STK39: variants seen among roughly 807,000 people sequenced by gnomAD.
STK39 encodes serine/threonine kinase 39, also known as STE20/SPS1-related proline-alanine-rich protein kinase.
A neutral mutation model predicts 77.8 loss-of-function variants in STK39; 20 were observed. The observed-to-expected ratio is 0.26, with a 90% CI of 0.18 to 0.37. STK39 has a LOEUF of 0.37. STK39 is among the 10% of genes least tolerant of loss of function. The probability of loss-of-function intolerance (pLI) is 1.00; values close to 1 mark genes in which losing one functional copy is unlikely to be tolerated. For synonymous variants in STK39, 246 were observed against 234.1 expected (o/e 1.05, Z -0.47); for missense variants, 479 against 656.5 (o/e 0.73, Z 2.95).
intron 12 of STK39, among the ~76,000 whole-genome samples, chr2:168,069,267 T>G (rs556741922): frequency 1.3e-5 from 2 of 152,278 alleles, no homozygotes; most frequent in South Asian, 4.1e-4. Flanking sequence ...CATGTGACAA[T>G]AGCAATAAGT....
intron 16 of STK39, among the ~76,000 whole-genome samples, chr2:168,008,628 A>C (rs75066443): frequency 0.019 from 2,874 of 152,280 alleles, 95 homozygotes; most frequent in African/African-American, 0.066. Flanking sequence ...AAGGTATTTA[A>C]TACCACGAAA....
At chr2:168,231,161 T>C (rs1690444992) in intron 1 of STK39, among the ~76,000 whole-genome samples, 1 of 152,336 alleles carries the variant, frequency 6.6e-6, no homozygotes, top group Admixed American at 6.5e-5. Flanking sequence ...AACAGCACTG[T>C]CATGCTAAAG....
intron 7 of STK39, 84 bp downstream of exon 7, chr2:168,140,205 G>T: frequency 8.6e-7 from 1 of 1,167,566 alleles, no homozygotes; most frequent in Non-Finnish European, 1.3e-6. Context: ...TCTAAGAGAA[G>T]AATGAAGATG....
At chr2:168,102,929 CAAAAAAAAAAA>C (rs35442749) in intron 10 of STK39, among the ~76,000 whole-genome samples, 5 of 50,084 alleles carry the variant, frequency 1.0e-4, no homozygotes, top group East Asian at 7.0e-4. Context: ...GAATCCGTCT[CAAAAAAAAAAA>C]AAAAAAAAAA....
At chr2:168,088,515 T>C (rs1686431473) in intron 10 of STK39, among the ~76,000 whole-genome samples, 1 of 152,218 alleles carries the variant, frequency 6.6e-6, no homozygotes, top group Non-Finnish European at 1.5e-5. Context: ...AACTTCACAG[T>C]TCCTCACTGT....
At chr2:168,102,326 C>A (rs781360337) in intron 10 of STK39, among the ~76,000 whole-genome samples, 2 of 152,082 alleles carry the variant, frequency 1.3e-5, no homozygotes, top group Non-Finnish European at 2.9e-5. Context: ...TTTTGTCCAT[C>A]TTTTTTATTA....
At chr2:168,207,866 A>G (rs1689781666) in intron 1 of STK39, among the ~76,000 whole-genome samples, 1 of 152,262 alleles carries the variant, frequency 6.6e-6, no homozygotes, top group Admixed American at 6.5e-5. Flanking sequence ...TGAGATCCCA[A>G]CTGAGGTCGG....
intron 13 of STK39, among the ~76,000 whole-genome samples, chr2:168,064,271 C>T (rs756613462): frequency 2.6e-4 from 39 of 152,154 alleles, no homozygotes; most frequent in Admixed American, 4.6e-4. Flanking sequence ...ACTAGTTATC[C>T]TAATCCCTGT....
At chr2:168,143,656 G>A (rs888911109) in intron 5 of STK39, among the ~76,000 whole-genome samples, 1 of 152,076 alleles carries the variant, frequency 6.6e-6, no homozygotes, top group African/African-American at 2.4e-5. Flanking sequence ...GGAGGTTGCA[G>A]TGAGCTGAGA....
At chr2:168,077,888 G>A (rs1252326428) in intron 10 of STK39, among the ~76,000 whole-genome samples, 1 of 141,980 alleles carries the variant, frequency 7.0e-6, no homozygotes, top group African/African-American at 2.6e-5. Context: ...ATAATACCTT[G>A]CAAAGTTAAA....
At chr2:168,214,528 G>A (rs11891777) in intron 1 of STK39, among the ~76,000 whole-genome samples, 7,436 of 152,174 alleles carry the variant, frequency 0.049, 301 homozygotes, top group East Asian at 0.2. Flanking sequence ...GGGGAATGGT[G>A]GAAATGTTTT....
At chr2:168,063,698 A>G (rs1685722154) in intron 13 of STK39, 128 bp from the exon 14 acceptor site, 12 of 766,850 alleles carry the variant, frequency 1.6e-5, no homozygotes, top group Non-Finnish European at 2.5e-5. Flanking sequence ...TTACACACGC[A>G]GGCCTTCTTT....
intron 5 of STK39, among the ~76,000 whole-genome samples, chr2:168,158,386 G>A (rs184013827): frequency 5.8e-4 from 88 of 152,204 alleles, no homozygotes; most frequent in African/African-American, 1.6e-3. Context: ...ACCAAATGAC[G>A]CTTAGATGGC....
chr2:168,184,931 A>G lies in STK39; in HGVS notation c.209-2841T>C, dbSNP rs138463435. Among the ~76,000 whole-genome samples, 20 of 152,356 alleles carry G rather than the reference A, an allele frequency of 1.3e-4. No homozygotes were observed. In the East Asian group the frequency reaches 3.7e-3, roughly 28 times the overall value. The stretch of plus-strand genomic sequence containing the variant: ...AAAGGAAAGGAGGTGACCTAACTGC[A>G]TAATTCTAAAGGACATTTAGAAATA... On this transcript the variant is annotated intron_variant, in intron 1 of 17. Transcript: ENST00000355999.
chr2:168,023,799 A>G (rs1274766695), intron 14 of STK39, among the ~76,000 whole-genome samples: 3 of 152,102 alleles, frequency 2.0e-5, no homozygotes, highest in African/African-American at 7.2e-5. Context: ...AAAGGCAACT[A>G]TTTCCCCGAG....
chr2:168,021,787 TA>T lies in STK39; in HGVS notation c.1377-4693del, dbSNP rs201576095. ...ACATACAGAACTCAGAAAGGACATTTATTTTTTTTTTAAGTAGGTGATACAA... is the reference window on the plus strand; with the variant it reads ...ACATACAGAACTCAGAAAGGACATTTTTTTTTTTTTAAGTAGGTGATACAA... On this transcript the variant is annotated intron_variant, in intron 14 of 17. Transcript: ENST00000355999. 7.9e-3 allele frequency among the ~76,000 whole-genome samples: 1,141 copies of T among 144,286 alleles called. 10 individuals carry two copies. The highest frequency in any genetic ancestry group is 0.03 in the African/African-American group (1,046 of 34,988). 94.7% of individuals were successfully genotyped at this position (144,286 alleles called of 152,430 possible).
intron 10 of STK39, among the ~76,000 whole-genome samples, chr2:168,077,606 G>A (rs1158196941): frequency 1.3e-5 from 2 of 152,178 alleles, no homozygotes; most frequent in African/African-American, 4.8e-5. Flanking sequence ...GTAGGGAATA[G>A]TATTGGTAAA....
chr2:168,170,498 C>T (rs1354267471), intron 2 of STK39, among the ~76,000 whole-genome samples: 1 of 152,214 alleles, frequency 6.6e-6, no homozygotes, highest in Non-Finnish European at 1.5e-5. Flanking sequence ...TTTGGATGGG[C>T]ATGCAGATCA....
Position 168,063,488 on chromosome 2 carries a change from A to G in STK39, c.1376+12T>C, listed in dbSNP as rs1384528068. On this transcript the variant is annotated intron_variant, in intron 14 of 17. Transcript: ENST00000355999. ...GGAAAAACAATGCAGAATAAACAAC[A>G]GTATTATTTACCTTAATCTCAAAAC... 2 of 1,605,690 alleles carry G rather than the reference A, an allele frequency of 1.2e-6. No individual in the cohort carries two copies. Among genetic ancestry groups the G allele is most frequent in the Non-Finnish European group, 1.7e-6 (2 of 1,175,994 alleles).
Sources: gnomAD v4.1 joint callset for allele counts (sites outside exome capture counted in the v4.1 genomes callset) on GRCh38, gnomAD v4.1.1 for gene constraint, MANE v1.5 for transcripts, NCBI Gene and HGNC (gene_info 2026-07-23, HGNC 2026-07-21) for gene names.